The following BORCS8 variants were observed in gnomAD, a reference collection of about 807,000 sequenced individuals.
The protein encoded by BORCS8 is BLOC-1-related complex subunit 8.
Under a neutral mutation model 18.7 loss-of-function variants are expected in BORCS8, and 13 were observed. The ratio of observed to expected loss-of-function variants is 0.70; its 90% CI spans 0.45 to 1.11. BORCS8 has a LOEUF of 1.11. Among genes scored for constraint, BORCS8 ranks in the 50% least tolerant of loss-of-function variants. The pLI, the probability that BORCS8 is intolerant of heterozygous loss-of-function variation, is 0.00. For synonymous variants in BORCS8, 68 were observed against 64.8 expected (o/e 1.05, Z -0.24); for missense variants, 165 against 165.7 (o/e 1.00, Z 0.02).
At chr19:19,187,679 CA>C (rs1417815953) in intron 1 of BORCS8, among the ~76,000 whole-genome samples, 2 of 151,090 alleles carry the variant, frequency 1.3e-5, no homozygotes, top group Admixed American at 6.6e-5. Context: ...GCTGGGATTA[CA>C]GGCATGCACC....
intron 1 of BORCS8, among the ~76,000 whole-genome samples, chr19:19,191,115 G>C (rs1460967981): frequency 1.3e-5 from 2 of 152,074 alleles, no homozygotes; most frequent in African/African-American, 4.8e-5. Flanking sequence ...CACTTTGGGA[G>C]GCCAAGGTGG....
intron 1 of BORCS8, among the ~76,000 whole-genome samples, 186 bp downstream of exon 1, chr19:19,191,895 G>T (rs1194517400): frequency 5.9e-5 from 9 of 152,126 alleles, no homozygotes; most frequent in Non-Finnish European, 1.3e-4. Context: ...AACAATCCTG[G>T]GGGGACCGGT....
chr19:19,182,777 T>C lies in BORCS8; in HGVS notation c.216-94A>G, dbSNP rs868083591. The C allele has an allele frequency of 2.1e-6, 3 of 1,424,512 alleles. No homozygotes were observed. Among genetic ancestry groups the C allele is most frequent in the Middle Eastern group, 3.6e-4 (2 of 5,486 alleles). The allele number at this position is 1,424,512 out of a possible 1,614,324, so 88.2% of individuals were successfully genotyped here. A position where few individuals can be genotyped will look rare whatever the true frequency, so the allele number is the denominator to read the frequency against. ...GAGGTCACCACCAGGGCTCGGTGGG[T>C]ACCTCAGTGATTCTGCGGGCTTCCC... On this transcript the variant is annotated intron_variant, in intron 3 of 5. Coordinates refer to ENST00000462790, the MANE Select transcript of BORCS8 (RefSeq NM_001145784.2). This position sits in a 1 kb window ranked among gnomAD's most constrained non-coding sequence, Gnocchi z 4.1.
chr19:19,190,851 T>A (rs1439365775), intron 1 of BORCS8, among the ~76,000 whole-genome samples: 1 of 152,088 alleles, frequency 6.6e-6, no homozygotes, highest in Non-Finnish European at 1.5e-5. Context: ...TCATGCCTCA[T>A]ACTCATGCCC....
In BORCS8 at chr19:19,192,131, G is replaced by T; in HGVS notation, c.-14C>A. 1 of 1,551,138 alleles carries T rather than the reference G, an allele frequency of 6.4e-7. No homozygotes were observed. On this transcript the variant is annotated 5_prime_UTR_variant, in exon 1 of 6. Transcript: ENST00000462790. ...CGGCTCCTCCATAGCGACCGCGGCC[G>T]AGCGAACCGGGAAACGGCACCGGAA... is the stretch of plus-strand genomic sequence containing the variant.
chr19:19,189,183 C>T (rs766941711), intron 1 of BORCS8, among the ~76,000 whole-genome samples: 48 of 152,184 alleles, frequency 3.2e-4, no homozygotes, highest in Non-Finnish European at 5.6e-4. Context: ...GTTTCAACAA[C>T]GGCATTCCCA....
intron 5 of BORCS8, chr19:19,177,700 A>AGGAAGG (rs1178540924): frequency 3.7e-5 from 2 of 54,430 alleles, no homozygotes; most frequent in East Asian, 5.1e-4. Flanking sequence ...AAGGAAGAGA[A>AGGAAGG]AAGAAAAGAA....
At chr19:19,179,973 A>G (rs1460486489) in intron 5 of BORCS8, 1 of 152,812 alleles carries the variant, frequency 6.5e-6, no homozygotes, top group Non-Finnish European at 1.5e-5. Context: ...GGACCCCCTG[A>G]CTATGCAGGT....
chr19:19,184,375 G>A (rs533207398), intron 3 of BORCS8, among the ~76,000 whole-genome samples: 9 of 133,880 alleles, frequency 6.7e-5, no homozygotes, highest in East Asian at 2.3e-4. Context: ...GCGTGATCTC[G>A]GCTCACTGCA....
chr19:19,177,692 GGAAGAGAAAA>G (rs1185028766), intron 5 of BORCS8: 1 of 48,894 alleles, frequency 2.0e-5, no homozygotes, highest in African/African-American at 8.3e-5. Flanking sequence ...AAGGAAGGAA[GGAAGAGAAAA>G]GAAAAGAAAA....
Position 19,182,274 on chromosome 19 carries a change from C to T in BORCS8, c.326+299G>A. 1.7e-6 allele frequency: 1 copy of T among 575,926 alleles called. No individual in the cohort carries two copies. The highest frequency in any genetic ancestry group is 6.8e-4 in the Middle Eastern group (1 of 1,474). 35.7% of individuals were successfully genotyped at this position (575,926 alleles called of 1,614,324 possible). On this transcript the variant is annotated intron_variant, in intron 4 of 5. Transcript: ENST00000462790. The surrounding 1 kb of genome is among the most constrained non-coding windows in gnomAD (Gnocchi z 4.1). The stretch of plus-strand genomic sequence containing the variant: ...TGTTCTTCACAGCGCATCTGACATG[C>T]TCTTGTCTGCCATGTTTACCTGGTT...
At chr19:19,183,342 A>G (rs1323160180) in intron 3 of BORCS8, among the ~76,000 whole-genome samples, 1 of 151,546 alleles carries the variant, frequency 6.6e-6, no homozygotes, top group Non-Finnish European at 1.5e-5. Flanking sequence ...CCTGGGAGGC[A>G]GAGCTTGCAG....
At chr19:19,191,359 G>A (rs1330242389) in intron 1 of BORCS8, among the ~76,000 whole-genome samples, 1 of 151,842 alleles carries the variant, frequency 6.6e-6, no homozygotes, top group Non-Finnish European at 1.5e-5. Context: ...TGATGTGGTG[G>A]TGTGCACTTG....
At chr19:19,186,003 G>C in intron 3 of BORCS8, 31 bp downstream of exon 3, 1 of 1,547,048 alleles carries the variant, frequency 6.5e-7, no homozygotes, top group African/African-American at 1.4e-5. Context: ...AGCAAAAGGT[G>C]GCCCTGCAGC....
intron 1 of BORCS8, among the ~76,000 whole-genome samples, chr19:19,191,696 T>C (rs145426713): frequency 0.039 from 5,986 of 151,982 alleles, 411 homozygotes; most frequent in African/African-American, 0.14. Context: ...CCTCCCACCT[T>C]AGCCGCCCAA....
chr19:19,181,859 T>A (rs763503664), intron 4 of BORCS8: 182 of 985,332 alleles, frequency 1.8e-4, no homozygotes, highest in Non-Finnish European at 2.0e-4. Flanking sequence ...GCGACATTCC[T>A]GCTCCTGGCA....
At chr19:19,183,976 A>G (rs556041807) in intron 3 of BORCS8, among the ~76,000 whole-genome samples, 22 of 149,980 alleles carry the variant, frequency 1.5e-4, no homozygotes, top group African/African-American at 4.9e-4. Flanking sequence ...TCCGTCTCCC[A>G]GGTTCAAGCG....
At chr19:19,177,696 G>GGAAGGGAAAAGAAAAGAAATGAAA (rs1376064847) in intron 5 of BORCS8, 1 of 74,650 alleles carries the variant, frequency 1.3e-5, no homozygotes, top group African/African-American at 5.1e-5. Flanking sequence ...AAGGAAGGAA[G>GGAAGGGAAAAGAAAAGAAATGAAA]AGAAAAGAAA....
chr19:19,188,281 G>A (rs962692011), intron 1 of BORCS8, among the ~76,000 whole-genome samples: 5 of 151,768 alleles, frequency 3.3e-5, no homozygotes, highest in African/African-American at 1.2e-4. Context: ...CGCCTGCCTC[G>A]GGCTCCAAAG....
Sources: allele counts gnomAD v4.1 joint callset (sites outside exome capture counted in the v4.1 genomes callset), GRCh38; gene constraint gnomAD v4.1.1; non-coding constraint Gnocchi (gnomAD v3.1); transcripts MANE v1.5; gene names NCBI Gene and HGNC (gene_info 2026-07-23, HGNC 2026-07-21).